MTSS1: variants seen among roughly 807,000 people sequenced by gnomAD.
The protein encoded by MTSS1 is MTSS I-BAR domain containing 1.
In MTSS1, 18 loss-of-function variants were observed where a neutral mutation model predicts 79.0. The observed-to-expected ratio is 0.23, with a 90% CI of 0.16 to 0.34. The LOEUF (loss-of-function observed/expected upper bound fraction) is 0.34, where lower values mean the gene tolerates loss of function less well. Ranked by LOEUF, MTSS1 falls within the 10% of genes least tolerant of loss-of-function variation. The pLI, the probability that MTSS1 is intolerant of heterozygous loss-of-function variation, is 1.00. For missense variants in MTSS1, 815 were observed against 986.2 expected (o/e 0.83, Z 2.33); for synonymous variants, 341 against 368.6 (o/e 0.93, Z 0.86).
chr8:124,593,154 C>G (rs997687889), intron 3 of MTSS1, among the ~76,000 whole-genome samples: 1 of 152,214 alleles, frequency 6.6e-6, no homozygotes, highest in Admixed American at 6.5e-5. Flanking sequence ...CCGCCTTCTG[C>G]GCTCTCCAAG....
chr8:124,721,294 A>G (rs13270040), intron 1 of MTSS1, among the ~76,000 whole-genome samples: 74,696 of 151,220 alleles, frequency 0.49, 19,005 homozygotes, highest in Middle Eastern at 0.58. Flanking sequence ...AATTTCCATC[A>G]TCGCAAAAAA....
chr8:124,652,329 A>G (rs1165480835), intron 3 of MTSS1, among the ~76,000 whole-genome samples: 1 of 152,032 alleles, frequency 6.6e-6, no homozygotes, highest in Non-Finnish European at 1.5e-5. Context: ...GCATGCCACC[A>G]TGCCTGGCTA....
intron 6 of MTSS1, among the ~76,000 whole-genome samples, chr8:124,572,005 T>C (rs7821954): frequency 0.33 from 49,442 of 152,064 alleles, 9,535 homozygotes; most frequent in Non-Finnish European, 0.44. Context: ...AATAACAGCC[T>C]GTGATTGTCA....
At chr8:124,716,062 C>T (rs753350903) in intron 1 of MTSS1, among the ~76,000 whole-genome samples, 6 of 152,146 alleles carry the variant, frequency 3.9e-5, no homozygotes, top group Non-Finnish European at 5.9e-5. Context: ...ACCTACTATG[C>T]GCAGGCACTG....
At chr8:124,712,507 G>A (rs1167985997) in intron 1 of MTSS1, among the ~76,000 whole-genome samples, 1 of 152,144 alleles carries the variant, frequency 6.6e-6, no homozygotes, top group Non-Finnish European at 1.5e-5. Flanking sequence ...GACAGACAGG[G>A]CCCATGAATG....
intron 3 of MTSS1, among the ~76,000 whole-genome samples, chr8:124,602,779 C>CCT (rs1163913398): frequency 6.6e-6 from 1 of 152,118 alleles, no homozygotes; most frequent in Non-Finnish European, 1.5e-5. Context: ...CTGGATGACC[C>CCT]CTCTTCCTGG....
At chr8:124,655,763 G>A (rs1284090208) in intron 3 of MTSS1, among the ~76,000 whole-genome samples, 1 of 152,134 alleles carries the variant, frequency 6.6e-6, no homozygotes, top group Non-Finnish European at 1.5e-5. Context: ...AGAGGGATGG[G>A]AGGATGTGGG....
At chr8:124,647,512 G>A (rs1309983321) in intron 3 of MTSS1, among the ~76,000 whole-genome samples, 2 of 152,050 alleles carry the variant, frequency 1.3e-5, no homozygotes, top group Non-Finnish European at 2.9e-5. Context: ...CAGTCACCAT[G>A]CTATACAATA....
At chr8:124,676,527 C>T (rs1825318040) in intron 3 of MTSS1, among the ~76,000 whole-genome samples, 1 of 152,234 alleles carries the variant, frequency 6.6e-6, no homozygotes, top group South Asian at 2.1e-4. Flanking sequence ...CCTTCTGCTG[C>T]TCTGCTACAG....
chr8:124,584,758 A>G (rs143343377), intron 6 of MTSS1, among the ~76,000 whole-genome samples: 104 of 152,372 alleles, frequency 6.8e-4, no homozygotes, highest in African/African-American at 2.4e-3. Context: ...TAATTACTAG[A>G]GAACATTTGC....
intron 3 of MTSS1, among the ~76,000 whole-genome samples, chr8:124,654,095 C>T (rs962380178): frequency 6.6e-6 from 1 of 152,188 alleles, no homozygotes; most frequent in African/African-American, 2.4e-5. Context: ...ACTGCTACCC[C>T]ACACGAGGGT....
At chr8:124,664,221 G>A (rs1347310829) in intron 3 of MTSS1, among the ~76,000 whole-genome samples, 2 of 152,130 alleles carry the variant, frequency 1.3e-5, no homozygotes, top group African/African-American at 4.8e-5. Flanking sequence ...TCATGACTTA[G>A]AACCACAGGC....
intron 3 of MTSS1, among the ~76,000 whole-genome samples, chr8:124,672,044 C>T (rs930800249): frequency 1.3e-5 from 2 of 152,316 alleles, no homozygotes; most frequent in South Asian, 4.1e-4. Context: ...GCTACATCCA[C>T]AGAGATATCA....
chr8:124,609,930 T>C (rs1373452077), intron 3 of MTSS1, among the ~76,000 whole-genome samples: 2 of 152,136 alleles, frequency 1.3e-5, no homozygotes, highest in Non-Finnish European at 2.9e-5. Flanking sequence ...TTCATACATA[T>C]CAGACTCACC....
At chr8:124,562,317 C>T (rs962494660) in intron 10 of MTSS1, among the ~76,000 whole-genome samples, 2 of 152,176 alleles carry the variant, frequency 1.3e-5, no homozygotes, top group Non-Finnish European at 2.9e-5. Context: ...CATTCTCATT[C>T]TCAACACAGA....
At chr8:124,658,336 C>T (rs1821361205) in intron 3 of MTSS1, among the ~76,000 whole-genome samples, 1 of 152,182 alleles carries the variant, frequency 6.6e-6, no homozygotes, top group Non-Finnish European at 1.5e-5. Context: ...TCCGTTCTCG[C>T]TTGGCTCTCA....
chr8:124,604,255 G>A (rs778731432), intron 3 of MTSS1, among the ~76,000 whole-genome samples: 5 of 151,848 alleles, frequency 3.3e-5, no homozygotes, highest in African/African-American at 4.8e-5. Flanking sequence ...AAAAAAAACC[G>A]TTTCAAGAAA....
intron 2 of MTSS1, among the ~76,000 whole-genome samples, chr8:124,702,685 C>T (rs1829871005): frequency 6.6e-6 from 1 of 152,330 alleles, no homozygotes; most frequent in South Asian, 2.1e-4. Context: ...CCCTCTCCCA[C>T]CTCTCTGTCG....
intron 3 of MTSS1, among the ~76,000 whole-genome samples, chr8:124,632,678 TG>T (rs1816220948): frequency 6.6e-6 from 1 of 152,124 alleles, no homozygotes; most frequent in Non-Finnish European, 1.5e-5. Flanking sequence ...TTTGTTTGTT[TG>T]TTTTTTGAGA....
Sources: allele counts gnomAD v4.1 joint callset (sites outside exome capture counted in the v4.1 genomes callset), GRCh38; gene constraint gnomAD v4.1.1; transcripts MANE v1.5; gene names NCBI Gene and HGNC (gene_info 2026-07-23, HGNC 2026-07-21).